Variants in CDC5L observed in about 807,000 individuals in gnomAD.
The protein encoded by CDC5L is cell division cycle 5 like, also known as cell division cycle 5-like protein.
A neutral mutation model predicts 104.1 loss-of-function variants in CDC5L; 18 were observed. The ratio of observed to expected loss-of-function variants is 0.17; its 90% CI spans 0.12 to 0.26. The LOEUF is 0.26. Among genes scored for constraint, CDC5L ranks in the 10% least tolerant of loss-of-function variants. The probability of loss-of-function intolerance (pLI) is 1.00; values close to 1 mark genes in which losing one functional copy is unlikely to be tolerated. For synonymous variants in CDC5L, 331 were observed against 322.7 expected (o/e 1.03, Z -0.28); for missense variants, 673 against 956.9 (o/e 0.70, Z 3.91).
At chr6:44,393,970 A>G (rs1036092309) in intron 4 of CDC5L, among the ~76,000 whole-genome samples, 14 of 152,116 alleles carry the variant, frequency 9.2e-5, no homozygotes, top group African/African-American at 3.1e-4. Flanking sequence ...CTGATCCCCA[A>G]TTCTGTCAGC....
intron 5 of CDC5L, among the ~76,000 whole-genome samples, chr6:44,400,270 C>T (rs1791060935): frequency 6.6e-6 from 1 of 152,204 alleles, no homozygotes; most frequent in African/African-American, 2.4e-5. Flanking sequence ...TGTTTCTTTG[C>T]ATGTCTTATA....
At chr6:44,417,754 T>C (rs1581652752) in intron 8 of CDC5L, among the ~76,000 whole-genome samples, 1 of 152,166 alleles carries the variant, frequency 6.6e-6, no homozygotes, top group Non-Finnish European at 1.5e-5. Context: ...CAAGTTGTTT[T>C]CTTGTGCAGT....
intron 1 of CDC5L, 64 bp downstream of exon 1, chr6:44,387,932 G>C: frequency 3.3e-6 from 5 of 1,500,370 alleles, no homozygotes; most frequent in South Asian, 1.2e-5. Flanking sequence ...GCGCACGCGC[G>C]CGGAGGTCGG....
chr6:44,445,505 T>G, intron 14 of CDC5L, 150 bp from the exon 15 acceptor site: 1 of 606,598 alleles, frequency 1.6e-6, no homozygotes, highest in Non-Finnish European at 2.9e-6. Context: ...TTCTTAAGCT[T>G]GATATTTTGT....
At chr6:44,413,499 C>G (rs997608991) in intron 8 of CDC5L, among the ~76,000 whole-genome samples, 2 of 152,074 alleles carry the variant, frequency 1.3e-5, no homozygotes, top group Non-Finnish European at 2.9e-5. Context: ...GCATAGATAC[C>G]TAGGAATGGA....
At chr6:44,393,026 T>C (rs1790688274) in intron 3 of CDC5L, among the ~76,000 whole-genome samples, 198 bp downstream of exon 3, 2 of 152,116 alleles carry the variant, frequency 1.3e-5, no homozygotes, top group African/African-American at 4.8e-5. Context: ...CCTAAAATAA[T>C]AATTTAAAAG....
intron 8 of CDC5L, among the ~76,000 whole-genome samples, chr6:44,413,301 A>G (rs906920695): frequency 2.0e-5 from 3 of 152,130 alleles, no homozygotes; most frequent in African/African-American, 7.2e-5. Flanking sequence ...AGGTTCATCC[A>G]TGTTGTAGCT....
chr6:44,387,959 C>T (rs888747229), intron 1 of CDC5L, 91 bp downstream of exon 1: 2 of 1,276,972 alleles, frequency 1.6e-6, no homozygotes, highest in Non-Finnish European at 2.2e-6. Context: ...GACGAGGAGA[C>T]CCTGTGGGGT....
chr6:44,445,600 A>G, intron 14 of CDC5L, 55 bp from the exon 15 acceptor site: 1 of 1,327,320 alleles, frequency 7.5e-7, no homozygotes, highest in Non-Finnish European at 1.1e-6. Context: ...TAGCCCTGTT[A>G]TTTAATAGCC....
At chr6:44,413,950 TTCTG>T (rs759415528) in intron 8 of CDC5L, among the ~76,000 whole-genome samples, 2 of 152,246 alleles carry the variant, frequency 1.3e-5, no homozygotes, top group African/African-American at 2.4e-5. Context: ...AACACTTGTT[TTCTG>T]TCTTTTTGAT....
At chr6:44,412,722 A>AT (rs1214632212) in intron 8 of CDC5L, among the ~76,000 whole-genome samples, 2 of 147,806 alleles carry the variant, frequency 1.4e-5, no homozygotes, top group Non-Finnish European at 1.5e-5. Flanking sequence ...GAATTCACCC[A>AT]TTTTTACTGT....
intron 8 of CDC5L, among the ~76,000 whole-genome samples, chr6:44,409,745 CATT>C (rs1430198956): frequency 6.6e-6 from 1 of 152,116 alleles, no homozygotes; most frequent in Non-Finnish European, 1.5e-5. Context: ...TGCCTGGACT[CATT>C]ATTCTTCAGG....
rs536484795 is a variant in CDC5L at position 44,409,242 on chromosome 6, C to A, written c.1092+610C>A. On this transcript the variant is annotated intron_variant, in intron 8 of 15. Coordinates refer to ENST00000371477, the MANE Select transcript of CDC5L (RefSeq NM_001253.4). Reference sequence around the variant, plus strand: ...CCCTCATCCGTAGAGGTGCCTGTTACAACTCTTTGTTTTACTTACCGCTAA... The same window carrying A: ...CCCTCATCCGTAGAGGTGCCTGTTAAAACTCTTTGTTTTACTTACCGCTAA... Among the ~76,000 whole-genome samples the A allele has an allele frequency of 5.3e-5, 8 of 152,316 alleles. No individual in the cohort carries two copies. The East Asian group carries it at 1.3e-3, about 26-fold the overall frequency.
rs777030695 is a variant in CDC5L, at chr6:44,422,679, C to A, written c.1274C>A (p.Pro425His). Residue 425 changes from proline to histidine, a missense_variant, in exon 10 of 16, where the codon CCC becomes CAC. Around this residue, in one of 4 missense-constraint regions of CDC5L, gnomAD observed 578 missense variants for 737.0 expected, o/e 0.78. Coordinates refer to ENST00000371477, the MANE Select transcript of CDC5L (RefSeq NM_001253.4). ...TPSNGAEGLT[P>H]RSGTTPKPVI... The stretch of plus-strand genomic sequence containing the variant: ...TCTAATGGAGCTGAAGGGCTGACTC[C>A]CCGGAGTGGAACAACTCCCAAACCA... 1.9e-6 allele frequency: 3 copies of A among 1,612,258 alleles called. No individual in the cohort carries two copies. In the South Asian group the frequency reaches 3.3e-5, roughly 18 times the overall value.
intron 8 of CDC5L, among the ~76,000 whole-genome samples, chr6:44,417,608 C>A (rs1888670): frequency 6.6e-6 from 1 of 152,024 alleles, no homozygotes; most frequent in African/African-American, 2.4e-5. Flanking sequence ...TTGCCACAGG[C>A]CCTAAGTTGG....
intron 7 of CDC5L, among the ~76,000 whole-genome samples, chr6:44,407,174 G>A (rs893798080): frequency 2.0e-5 from 3 of 152,150 alleles, no homozygotes; most frequent in African/African-American, 7.2e-5. Context: ...GGAATGTTTT[G>A]TTGTGTTATG....
At chr6:44,441,393 G>C (rs1314809017) in intron 14 of CDC5L, among the ~76,000 whole-genome samples, 1 of 152,206 alleles carries the variant, frequency 6.6e-6, no homozygotes, top group African/African-American at 2.4e-5. Flanking sequence ...TGTCTTGGCT[G>C]TTGTGGATAA....
chr6:44,411,647 T>A (rs1481957814), intron 8 of CDC5L, among the ~76,000 whole-genome samples: 2 of 129,300 alleles, frequency 1.5e-5, no homozygotes, highest in African/African-American at 5.4e-5. Context: ...AGTGTGTGTG[T>A]GTGTGTGACT....
At chr6:44,408,179 A>G (rs1044483029) in intron 7 of CDC5L, among the ~76,000 whole-genome samples, 1 of 152,064 alleles carries the variant, frequency 6.6e-6, no homozygotes, top group Non-Finnish European at 1.5e-5. Context: ...ACTACTGTGA[A>G]CTTGTGATAT....
Sources: allele counts gnomAD v4.1 joint callset (sites outside exome capture counted in the v4.1 genomes callset), GRCh38; gene constraint gnomAD v4.1.1; regional missense constraint gnomAD v4.1.1; transcripts MANE v1.5; gene names NCBI Gene and HGNC (gene_info 2026-07-23, HGNC 2026-07-21).